ADAM15: variants seen among roughly 807,000 people sequenced by gnomAD.
ADAM15 encodes the protein ADAM metallopeptidase domain 15.
ADAM15 carries 77 observed loss-of-function variants against 113.8 expected under a neutral mutation model. The observed-to-expected ratio is 0.68, with a 90% CI of 0.56 to 0.82. The LOEUF is 0.82. ADAM15 is among the 40% of genes least tolerant of loss of function. The pLI is 0.00. For missense variants in ADAM15, 963 were observed against 1,120.1 expected (o/e 0.86, Z 2.00); for synonymous variants, 388 against 454.1 (o/e 0.85, Z 1.85).
In ADAM15 at chr1:155,055,931, G is replaced by A. The variant is rs1323772770; in HGVS notation, c.676-1G>A. On this transcript the variant is annotated splice_acceptor_variant, in intron 7 of 22. Transcript: ENST00000356955. LOFTEE classifies it high-confidence loss of function. ...TTCATGTCACCTCTCTTGGCCTACA[G>A]GCCCAGAAATACCGGGACTTCCAGC... 1 of 1,614,114 alleles carries A rather than the reference G, an allele frequency of 6.2e-7. No individual in the cohort carries two copies. Among genetic ancestry groups the A allele is most frequent in the South Asian group, 1.1e-5 (1 of 91,070 alleles).
rs376704304 is a variant in ADAM15, at chr1:155,056,202, G to C, written c.867G>C (p.Arg289Ser). 2 of 1,613,904 alleles carry C rather than the reference G, an allele frequency of 1.2e-6. No individual in the cohort carries two copies. Among genetic ancestry groups the C allele is most frequent in the Non-Finnish European group, 1.7e-6 (2 of 1,180,042 alleles). ...VTLENFLHWR[R>S]AHLLPRLPHD... Reference sequence around the variant, plus strand: ...TCGAAAACTTCCTCCACTGGCGCAGGGCACATTTGCTGCCTCGATTGCCCC... The same window carrying C: ...TCGAAAACTTCCTCCACTGGCGCAGCGCACATTTGCTGCCTCGATTGCCCC... The change falls in exon 9 of 23, where the codon AGG becomes AGC. Residue 289 changes from arginine (R) to serine (S), a missense_variant. Transcript: ENST00000356955. The surrounding 1 kb of genome is among the most constrained non-coding windows in gnomAD (Gnocchi z 4.0).
chr1:155,054,198 GT>G lies in ADAM15; in HGVS notation c.392del (p.Val131GlyfsTer15). The G allele has an allele frequency of 1.2e-6, 2 of 1,608,556 alleles. No individual in the cohort carries two copies. The highest frequency in any genetic ancestry group is 2.7e-5 in the African/African-American group (2 of 74,508). On this transcript the variant is annotated frameshift_variant, in exon 5 of 23. Transcript: ENST00000356955. LOFTEE classifies it high-confidence loss of function. ...AGTGCGGGGATATGCAGGCTCCTGGGTGTCCATCTGCACCTGCTCTGGGCTC... is the reference window on the plus strand; with the variant it reads ...AGTGCGGGGATATGCAGGCTCCTGGGGTCCATCTGCACCTGCTCTGGGCTC... The part of the protein sequence containing the change: ...GRVRGYAGSW[V>X]SICTCSGLRG...
chr1:155,059,704 C>T (rs1662300427), intron 16 of ADAM15, among the ~76,000 whole-genome samples, 198 bp from the exon 17 acceptor site: 1 of 152,174 alleles, frequency 6.6e-6, no homozygotes, highest in Non-Finnish European at 1.5e-5. Flanking sequence ...CCACAGTGCC[C>T]AGCACACAGA....
chr1:155,060,986 C>T (rs1571634666), intron 19 of ADAM15, 154 bp downstream of exon 19: 2 of 719,584 alleles, frequency 2.8e-6, no homozygotes, highest in East Asian at 2.7e-5. Context: ...GCCCTCCCCT[C>T]CCCTGGCTAC....
In ADAM15 at chr1:155,051,339, G is replaced by A. The variant is rs1226739171; in HGVS notation, c.-48G>A. 1.4e-6 allele frequency: 2 copies of A among 1,398,354 alleles called. No homozygotes were observed. The highest frequency in any genetic ancestry group is 3.1e-5 in the East Asian group (1 of 31,890). 86.6% of individuals were successfully genotyped at this position (1,398,354 alleles called of 1,614,324 possible). On this transcript the variant is annotated 5_prime_UTR_variant, in exon 1 of 23. Coordinates refer to ENST00000356955, the MANE Select transcript of ADAM15 (RefSeq NM_207197.3). ...ACCTGGCCGCCGGCCGCTCCTCCGC[G>A]CGCTGTTCCGCACTTGCTGCCCTCG...
rs1226223302 is a variant in ADAM15, at chr1:155,061,983, T to TG, written c.2424+14dup. The TG allele has an allele frequency of 6.4e-7, 1 of 1,574,294 alleles. No individual in the cohort carries two copies. The highest frequency in any genetic ancestry group is 8.6e-7 in the Non-Finnish European group (1 of 1,157,416). On this transcript the variant is annotated intron_variant, in intron 21 of 22. Transcript: ENST00000356955. Reference sequence around the variant, plus strand: ...GTGGTGAGAAGCCCGAAGGTAACGGTGGGGGGAGAGAAGGGCACGGCCTCT... The same window carrying TG: ...GTGGTGAGAAGCCCGAAGGTAACGGTGGGGGGGAGAGAAGGGCACGGCCTCT...
At chr1:155,061,627 A>G (rs1259775178) in intron 20 of ADAM15, 138 bp downstream of exon 20, 4 of 977,768 alleles carry the variant, frequency 4.1e-6, no homozygotes, top group Non-Finnish European at 6.0e-6. Flanking sequence ...AGACACTCTG[A>G]GCCCCAGAAG....
intron 1 of ADAM15, 110 bp downstream of exon 1, chr1:155,051,575 C>A: frequency 9.3e-7 from 1 of 1,080,684 alleles, no homozygotes; most frequent in Non-Finnish European, 1.3e-6. Flanking sequence ...AGAGCCCAGC[C>A]AGAGCGCGGC....
chr1:155,061,816 T>C, intron 20 of ADAM15, 88 bp from the exon 21 acceptor site: 1 of 1,365,790 alleles, frequency 7.3e-7, no homozygotes, highest in Non-Finnish European at 9.9e-7. Flanking sequence ...TGACTTTGCA[T>C]GTTGACTTGA....
rs1324099996 is a variant in ADAM15 at position 155,058,215 on chromosome 1, T to G, written c.1722-31T>G. On this transcript the variant is annotated intron_variant, in intron 14 of 22. Coordinates refer to ENST00000356955, the MANE Select transcript of ADAM15 (RefSeq NM_207197.3). The surrounding 1 kb of genome is among the most constrained non-coding windows in gnomAD (Gnocchi z 4.3). ...CTGAGAGCCTTGGCCCTGCTCCTACTAACTCTGTGTGCCCTTCCCCCTCCC... is the reference window on the plus strand; with the variant it reads ...CTGAGAGCCTTGGCCCTGCTCCTACGAACTCTGTGTGCCCTTCCCCCTCCC... 1.5e-5 allele frequency: 25 copies of G among 1,613,704 alleles called. No individual in the cohort carries two copies. Among genetic ancestry groups the G allele is most frequent in the Non-Finnish European group, 2.1e-5 (25 of 1,179,878 alleles).
chr1:155,056,336 T>A lies in ADAM15; in HGVS notation c.915-50T>A, dbSNP rs1479177309. 6.2e-7 allele frequency: 1 copy of A among 1,611,382 alleles called. No individual in the cohort carries two copies. ...AGCACCCTACCTCAGCCCCTGAAGC[T>A]CTGACCACCGTGGCTTCTGGCCCTG... On this transcript the variant is annotated intron_variant, in intron 9 of 22. Coordinates refer to ENST00000356955, the MANE Select transcript of ADAM15 (RefSeq NM_207197.3). The surrounding 1 kb of genome is among the most constrained non-coding windows in gnomAD (Gnocchi z 4.0).
chr1:155,062,186 G>A lies in ADAM15; in HGVS notation c.2425-59G>A. 1 of 1,445,986 alleles carries A rather than the reference G, an allele frequency of 6.9e-7. No individual in the cohort carries two copies. The highest frequency in any genetic ancestry group is 9.1e-7 in the Non-Finnish European group (1 of 1,096,688). 89.6% of individuals were successfully genotyped at this position (1,445,986 alleles called of 1,614,324 possible). On this transcript the variant is annotated intron_variant, in intron 21 of 22. Transcript: ENST00000356955. This position sits in a 1 kb window ranked among gnomAD's most constrained non-coding sequence, Gnocchi z 7.0. ...TGGTGTTCCCCAGCACCAGTGCGTT[G>A]GGGGTGGGCAACATGACACCCCCCC...
At chr1:155,053,837 T>C in intron 3 of ADAM15, 73 bp from the exon 4 acceptor site, 2 of 1,557,616 alleles carry the variant, frequency 1.3e-6, no homozygotes, top group Non-Finnish European at 1.8e-6. Context: ...CACAACCACC[T>C]TCAAGCCTCT....
chr1:155,052,558 A>T, intron 1 of ADAM15, 113 bp from the exon 2 acceptor site: 2 of 1,550,626 alleles, frequency 1.3e-6, no homozygotes, highest in Non-Finnish European at 1.7e-6. Flanking sequence ...GAAGCCCCTC[A>T]GGTACCTAAG....
chr1:155,059,314 G>A (rs143764007), intron 16 of ADAM15, among the ~76,000 whole-genome samples: 4,830 of 152,036 alleles, frequency 0.032, 290 homozygotes, highest in African/African-American at 0.11. Context: ...TGATCCTCCC[G>A]CCTCAGCCTC....
In ADAM15 at chr1:155,053,434, CCT is replaced by C; in HGVS notation, c.205_206del (p.Leu69GlufsTer9). 1 of 1,614,032 alleles carries C rather than the reference CCT, an allele frequency of 6.2e-7. No homozygotes were observed. Among genetic ancestry groups the C allele is most frequent in the Non-Finnish European group, 8.5e-7 (1 of 1,180,020 alleles). On this transcript the variant is annotated frameshift_variant, in exon 3 of 23. Transcript: ENST00000356955. LOFTEE classifies it high-confidence loss of function. ...GCCCACAGACCAGTCTGCCTGAGCC[CCT>C]GAGGATCAAGTTGGAGCTGGACGGT... ...KVLQTSLPEP[L>X]RIKLELDGDS...
At position 155,059,989 on chromosome 1, in the gene ADAM15, G is replaced by A; in HGVS notation, c.2068+15G>A. The A allele has an allele frequency of 6.2e-7, 1 of 1,613,736 alleles. No individual in the cohort carries two copies. Among genetic ancestry groups the A allele is most frequent in the Non-Finnish European group, 8.5e-7 (1 of 1,179,796 alleles). ...TCAGCTCAAAGGTAGCATGGGGGTG[G>A]GGGACAGGGGCAGCTGGGAGGGCAA... On this transcript the variant is annotated intron_variant, in intron 17 of 22. Coordinates refer to ENST00000356955, the MANE Select transcript of ADAM15 (RefSeq NM_207197.3).
chr1:155,052,425 C>A, intron 1 of ADAM15: 1 of 1,403,630 alleles, frequency 7.1e-7, no homozygotes, highest in Non-Finnish European at 9.6e-7. Context: ...AGGAGGGCCA[C>A]AGGCTGCGCA....
chr1:155,053,545 G>A (rs2102389085), intron 3 of ADAM15, 52 bp downstream of exon 3: 1 of 1,584,218 alleles, frequency 6.3e-7, no homozygotes, highest in Non-Finnish European at 8.7e-7. Context: ...AACTTGTATA[G>A]CATTTATTAT....
Sources: allele counts gnomAD v4.1 joint callset (sites outside exome capture counted in the v4.1 genomes callset), GRCh38; gene constraint gnomAD v4.1.1; non-coding constraint Gnocchi (gnomAD v3.1); transcripts MANE v1.5; gene names NCBI Gene and HGNC (gene_info 2026-07-23, HGNC 2026-07-21).